GTF2IRD1: variants seen among roughly 807,000 people sequenced by gnomAD.
GTF2IRD1 encodes the protein GTF2I repeat domain containing 1.
In GTF2IRD1, 26 loss-of-function variants were observed where a neutral mutation model predicts 113.2. The ratio of observed to expected loss-of-function variants is 0.23; its 90% CI spans 0.17 to 0.32. The LOEUF is 0.32. Among genes scored for constraint, GTF2IRD1 ranks in the 10% least tolerant of loss-of-function variants. The pLI is 1.00. For missense variants in GTF2IRD1, 864 were observed against 1,280.8 expected (o/e 0.67, Z 4.97); for synonymous variants, 484 against 529.1 (o/e 0.91, Z 1.17).
chr7:74,597,264 G>A (rs1243221570), intron 25 of GTF2IRD1, among the ~76,000 whole-genome samples: 2 of 150,454 alleles, frequency 1.3e-5, no homozygotes, highest in East Asian at 1.9e-4. Flanking sequence ...GGCTGGTCTC[G>A]AACTCCTGAC....
At chr7:74,523,584 G>A (rs1758453894) in intron 7 of GTF2IRD1, among the ~76,000 whole-genome samples, 1 of 152,110 alleles carries the variant, frequency 6.6e-6, no homozygotes, top group Admixed American at 6.6e-5. Flanking sequence ...GCCAGGTGTG[G>A]TGGCAGGTGC....
At chr7:74,567,855 G>C (rs1353320906) in intron 22 of GTF2IRD1, among the ~76,000 whole-genome samples, 1 of 151,974 alleles carries the variant, frequency 6.6e-6, no homozygotes, top group South Asian at 2.1e-4. Flanking sequence ...GCGTGATCTC[G>C]GCTCACTGCA....
chr7:74,529,181 T>C (rs1157489257), intron 8 of GTF2IRD1, among the ~76,000 whole-genome samples: 1 of 152,072 alleles, frequency 6.6e-6, no homozygotes, highest in African/African-American at 2.4e-5. Flanking sequence ...AGGGGGCAGA[T>C]GAGGCCAGAG....
intron 22 of GTF2IRD1, chr7:74,570,980 T>C (rs1554362510): frequency 4.7e-6 from 2 of 425,100 alleles, no homozygotes; most frequent in Non-Finnish European, 6.3e-6. Flanking sequence ...AGTTCCCTTT[T>C]GGGCAAACAC....
intron 6 of GTF2IRD1, among the ~76,000 whole-genome samples, chr7:74,520,690 G>A (rs1797230233): frequency 1.3e-5 from 2 of 149,532 alleles, no homozygotes; most frequent in South Asian, 4.3e-4. Flanking sequence ...CCAGCTCTTT[G>A]GGAGGCTGAG....
intron 4 of GTF2IRD1, among the ~76,000 whole-genome samples, chr7:74,516,369 T>A (rs1554344606): frequency 1.3e-5 from 2 of 152,162 alleles, no homozygotes; most frequent in African/African-American, 2.4e-5. Flanking sequence ...CAACAGCAGG[T>A]GCTTGGAGAA....
chr7:74,486,624 T>G (rs1241715667), intron 1 of GTF2IRD1, among the ~76,000 whole-genome samples: 1 of 151,680 alleles, frequency 6.6e-6, no homozygotes, highest in Non-Finnish European at 1.5e-5. Flanking sequence ...AAGGGAGAAG[T>G]TGGTTATATG....
In GTF2IRD1 at chr7:74,505,837, C is replaced by G. The variant is rs2129967300; in HGVS notation, c.-6-2238C>G. 2.0e-5 allele frequency among the ~76,000 whole-genome samples: 3 copies of G among 152,316 alleles called. No homozygotes were observed. In the South Asian group the frequency reaches 6.2e-4, roughly 32 times the overall value. On this transcript the variant is annotated intron_variant, in intron 1 of 26. Coordinates refer to ENST00000424337, the MANE Select transcript of GTF2IRD1 (RefSeq NM_005685.4). ...AGCGGGCTTCCTGCCACGGAACATC[C>G]CCAGCCGTGGCCACTGGCCACCTCG...
rs782636289 is a variant in GTF2IRD1 at position 74,535,126 on chromosome 7, C to T, written c.1288C>T (p.Arg430Ter). ...TTCTCTCCCCAGGATGTTTGATGAG[C>T]GAATTTTCACAGGTATGTGGGGACC... ...HFIIKRMFDE[R>*]IFTGNKFTKD... The change falls in exon 10 of 27, where the codon CGA (arginine) becomes TGA (stop). Residue 430 changes from arginine to a stop codon, truncating the protein, a stop_gained. Coordinates refer to ENST00000424337, the MANE Select transcript of GTF2IRD1 (RefSeq NM_005685.4). LOFTEE classifies it high-confidence loss of function. 1 of 1,612,908 alleles carries T rather than the reference C, an allele frequency of 6.2e-7. No individual in the cohort carries two copies. Among genetic ancestry groups the T allele is most frequent in the South Asian group, 1.1e-5 (1 of 91,064 alleles).
At chr7:74,534,307 A>G (rs1454631257) in intron 9 of GTF2IRD1, among the ~76,000 whole-genome samples, 1 of 152,156 alleles carries the variant, frequency 6.6e-6, no homozygotes, top group Non-Finnish European at 1.5e-5. Context: ...CTGTGCAAAA[A>G]TGGTTTGGGA....
intron 1 of GTF2IRD1, among the ~76,000 whole-genome samples, chr7:74,477,768 G>A (rs1205883111): frequency 2.0e-5 from 3 of 152,142 alleles, no homozygotes; most frequent in Non-Finnish European, 4.4e-5. Context: ...CGGCTCAGGC[G>A]GGCAGGGCTG....
intron 22 of GTF2IRD1, among the ~76,000 whole-genome samples, chr7:74,562,411 C>T (rs1333394034): frequency 3.3e-5 from 5 of 152,084 alleles, no homozygotes; most frequent in African/African-American, 4.8e-5. Flanking sequence ...TCCCTGTACC[C>T]GCCTGACTAG....
intron 1 of GTF2IRD1, among the ~76,000 whole-genome samples, chr7:74,465,017 C>T (rs1793624496): frequency 6.6e-6 from 1 of 152,248 alleles, no homozygotes; most frequent in African/African-American, 2.4e-5. Flanking sequence ...ACCCACCTGG[C>T]TCCAGGGTGG....
chr7:74,545,782 G>A lies in GTF2IRD1; in HGVS notation c.1705G>A (p.Val569Met), dbSNP rs1554353111. The A allele has an allele frequency of 6.2e-7, 1 of 1,613,310 alleles. No individual in the cohort carries two copies. The highest frequency in any genetic ancestry group is 1.3e-5 in the African/African-American group (1 of 74,914). ...GDVIRPLRKQ[V>M]ELLFNTRYAK... ...CGTGATCCGGCCCCTGCGGAAGCAGGTGGAGCTGCTCTTCAACACACGATA... is the reference window on the plus strand; with the variant it reads ...CGTGATCCGGCCCCTGCGGAAGCAGATGGAGCTGCTCTTCAACACACGATA... The change falls in exon 16 of 27, where the codon GTG becomes ATG. Residue 569 changes from valine to methionine, a missense_variant. Physicochemically the swap from Val to Met is conservative, Grantham distance 21. Transcript: ENST00000424337.
At chr7:74,500,781 C>T (rs1337195496) in intron 1 of GTF2IRD1, among the ~76,000 whole-genome samples, 7 of 151,958 alleles carry the variant, frequency 4.6e-5, no homozygotes, top group East Asian at 1.9e-4. Context: ...TGGAGTGCAA[C>T]GGCATGATCA....
At chr7:74,575,266 G>A (rs587711293) in intron 22 of GTF2IRD1, among the ~76,000 whole-genome samples, 24 of 152,282 alleles carry the variant, frequency 1.6e-4, no homozygotes, top group African/African-American at 5.5e-4. Context: ...GGCCTGAAGG[G>A]GCAGCAGGGA....
Position 74,529,738 on chromosome 7 carries a change from A to G in GTF2IRD1, c.1095A>G (p.Glu365=). ...VQILFNSRYA[E]ALGLDHMVPV... The stretch of plus-strand genomic sequence containing the variant: ...GCTGTTTGGTTGTCTTTCCAGCGGA[A>G]GCCCTGGGCCTGGACCACATGGTCC... The change falls in exon 9 of 27, where the codon GAA becomes GAG. Residue 365 remains glutamate, a synonymous_variant. Coordinates refer to ENST00000424337, the MANE Select transcript of GTF2IRD1 (RefSeq NM_005685.4). The G allele has an allele frequency of 6.2e-7, 1 of 1,613,872 alleles. No homozygotes were observed. The highest frequency in any genetic ancestry group is 8.5e-7 in the Non-Finnish European group (1 of 1,179,882).
intron 22 of GTF2IRD1, among the ~76,000 whole-genome samples, chr7:74,580,870 A>T (rs1272222342): frequency 4.6e-5 from 7 of 152,140 alleles, no homozygotes; most frequent in Non-Finnish European, 1.0e-4. Context: ...CTGAGTCCTA[A>T]CTATGACATT....
At chr7:74,565,065 TGG>T (rs10706308) in intron 22 of GTF2IRD1, among the ~76,000 whole-genome samples, 1 of 151,758 alleles carries the variant, frequency 6.6e-6, no homozygotes, top group Non-Finnish European at 1.5e-5. Flanking sequence ...TGCAGAGGGA[TGG>T]GGGGGACTGG....
Sources: allele counts gnomAD v4.1 joint callset (sites outside exome capture counted in the v4.1 genomes callset), GRCh38; gene constraint gnomAD v4.1.1; transcripts MANE v1.5; gene names NCBI Gene and HGNC (gene_info 2026-07-23, HGNC 2026-07-21).